The following ADAM32 variants were observed in gnomAD, a reference collection of about 807,000 sequenced individuals.
The protein encoded by ADAM32 is ADAM metallopeptidase domain 32.
Under a neutral mutation model 114.9 loss-of-function variants are expected in ADAM32, and 89 were observed. The observed-to-expected ratio is 0.77, with a 90% CI of 0.65 to 0.92. The LOEUF is 0.92. Among genes scored for constraint, ADAM32 ranks in the 40% least tolerant of loss-of-function variants. ADAM32 has a pLI of 0.00. For synonymous variants in ADAM32, 285 were observed against 307.5 expected (o/e 0.93, Z 0.77); for missense variants, 870 against 932.8 (o/e 0.93, Z 0.88).
chr8:39,120,858 G>A (rs1481448972), intron 2 of ADAM32, among the ~76,000 whole-genome samples: 1 of 151,848 alleles, frequency 6.6e-6, no homozygotes, highest in Non-Finnish European at 1.5e-5. Flanking sequence ...GTTAAAAAGT[G>A]GCAAAGAACT....
At chr8:39,162,909 G>A (rs1804602163) in intron 7 of ADAM32, among the ~76,000 whole-genome samples, 1 of 152,196 alleles carries the variant, frequency 6.6e-6, no homozygotes, top group Non-Finnish European at 1.5e-5. Flanking sequence ...ACTGAGGCAG[G>A]AGAACTGCTT....
chr8:39,280,793 AT>A (rs1384344850), intron 22 of ADAM32, among the ~76,000 whole-genome samples: 1 of 151,226 alleles, frequency 6.6e-6, no homozygotes, highest in African/African-American at 2.4e-5. Context: ...GTTTATTTTT[AT>A]TTTTTTGAGA....
intron 20 of ADAM32, among the ~76,000 whole-genome samples, 185 bp downstream of exon 20, chr8:39,271,099 T>C (rs183459091): frequency 2.2e-3 from 337 of 152,292 alleles, no homozygotes; most frequent in South Asian, 9.7e-3. Flanking sequence ...TTAATAAATG[T>C]TTACTGGAAG....
chr8:39,191,506 G>A (rs1443044264), intron 11 of ADAM32, among the ~76,000 whole-genome samples: 1 of 152,012 alleles, frequency 6.6e-6, no homozygotes, highest in Non-Finnish European at 1.5e-5. Context: ...ATAATCAGTG[G>A]TATGGAGCTT....
intron 12 of ADAM32, among the ~76,000 whole-genome samples, chr8:39,214,896 G>T (rs1239867494): frequency 6.6e-6 from 1 of 151,846 alleles, no homozygotes; most frequent in Non-Finnish European, 1.5e-5. Flanking sequence ...TAGTTTCATT[G>T]TCATGCATGT....
chr8:39,274,724 T>G (rs1272114376), intron 21 of ADAM32, among the ~76,000 whole-genome samples: 3 of 152,188 alleles, frequency 2.0e-5, no homozygotes, highest in Non-Finnish European at 4.4e-5. Context: ...ATGATGGTGG[T>G]TCCATAAGAT....
intron 16 of ADAM32, among the ~76,000 whole-genome samples, chr8:39,239,836 C>T (rs1810438415): frequency 6.6e-6 from 1 of 151,978 alleles, no homozygotes; most frequent in African/African-American, 2.4e-5. Flanking sequence ...CAAAGAGGGG[C>T]ATTATATAAT....
chr8:39,199,451 ATTCT>A (rs1474666433), intron 11 of ADAM32, among the ~76,000 whole-genome samples: 2 of 152,118 alleles, frequency 1.3e-5, no homozygotes, highest in African/African-American at 2.4e-5. Flanking sequence ...AAGTTCAGAA[ATTCT>A]TTCTTCTGAT....
chr8:39,221,148 TA>T (rs1808931646), intron 12 of ADAM32: 1 of 153,568 alleles, frequency 6.5e-6, no homozygotes, highest in Non-Finnish European at 1.5e-5. Context: ...ACTACTTTAG[TA>T]GTATATGGGG....
At position 39,242,106 on chromosome 8, in the gene ADAM32, A is replaced by G. The variant is rs141919028; in HGVS notation, c.1819-3977A>G. ...AAATGCTGCCAGTCTCTGCTAAAAC[A>G]TAGTAAGAGCCACATTTGCTCCAGT... On this transcript the variant is annotated intron_variant, in intron 16 of 24. Coordinates refer to ENST00000379907, the MANE Select transcript of ADAM32 (RefSeq NM_145004.7). Among the ~76,000 whole-genome samples the G allele has an allele frequency of 6.5e-3, 989 of 152,310 alleles. 5 individuals carry two copies. The highest frequency in any genetic ancestry group is 9.9e-3 in the Non-Finnish European group (674 of 68,018).
chr8:39,242,674 T>G (rs1244865035), intron 16 of ADAM32, among the ~76,000 whole-genome samples: 1 of 152,170 alleles, frequency 6.6e-6, no homozygotes, highest in Non-Finnish European at 1.5e-5. Context: ...ATGTGGGAAT[T>G]CAGAATGAAA....
intron 10 of ADAM32, among the ~76,000 whole-genome samples, chr8:39,171,468 C>G (rs534322485): frequency 2.6e-4 from 40 of 152,188 alleles, no homozygotes; most frequent in African/African-American, 9.6e-4. Flanking sequence ...CTGTAGCTCT[C>G]TCTATATATA....
intron 4 of ADAM32, among the ~76,000 whole-genome samples, chr8:39,149,094 C>T (rs4292654): frequency 0.28 from 43,025 of 151,962 alleles, 6,148 homozygotes; most frequent in Middle Eastern, 0.34. Context: ...GTTGTCCAAA[C>T]CTTCTGTAGA....
At chr8:39,179,383 C>T (rs1290395591) in intron 10 of ADAM32, among the ~76,000 whole-genome samples, 2 of 152,170 alleles carry the variant, frequency 1.3e-5, no homozygotes, top group African/African-American at 2.4e-5. Flanking sequence ...CTGTGGAAGT[C>T]GGGCCTGCAG....
chr8:39,228,003 G>T (rs1225107813), intron 14 of ADAM32, among the ~76,000 whole-genome samples: 1 of 152,196 alleles, frequency 6.6e-6, no homozygotes, highest in East Asian at 1.9e-4. Context: ...CACATTAGAA[G>T]ACTCTGTGCA....
chr8:39,224,934 G>T (rs942846121), intron 14 of ADAM32, among the ~76,000 whole-genome samples: 10 of 152,280 alleles, frequency 6.6e-5, no homozygotes, highest in Non-Finnish European at 1.0e-4. Context: ...TATGGAGGTG[G>T]TTATGAACAA....
At chr8:39,274,438 A>G in intron 21 of ADAM32, 88 bp downstream of exon 21, 1 of 1,457,752 alleles carries the variant, frequency 6.9e-7, no homozygotes, top group Non-Finnish European at 9.5e-7. Flanking sequence ...ATATTTTTGA[A>G]CAATGTCAAT....
At chr8:39,154,033 C>CATATAT (rs59934573) in intron 6 of ADAM32, among the ~76,000 whole-genome samples, 28,210 of 139,212 alleles carry the variant, frequency 0.2, 3,302 homozygotes, top group African/African-American at 0.3. Context: ...GAAAGTTCCT[C>CATATAT]ATATATATAT....
chr8:39,220,755 C>T (rs1234655921), intron 12 of ADAM32, among the ~76,000 whole-genome samples: 1 of 151,812 alleles, frequency 6.6e-6, no homozygotes, highest in Non-Finnish European at 1.5e-5. Flanking sequence ...TAGTTTTATT[C>T]CCTTATGATC....
Sources: gnomAD v4.1 joint callset for allele counts (sites outside exome capture counted in the v4.1 genomes callset) on GRCh38, gnomAD v4.1.1 for gene constraint, MANE v1.5 for transcripts, NCBI Gene and HGNC (gene_info 2026-07-23, HGNC 2026-07-21) for gene names.